SGCZ: variants seen among roughly 807,000 people sequenced by gnomAD.
SGCZ encodes sarcoglycan zeta, also known as zeta-sarcoglycan.
In SGCZ, 40 loss-of-function variants were observed where a neutral mutation model predicts 41.3. The observed-to-expected ratio is 0.97, with a 90% CI of 0.75 to 1.26. The LOEUF (loss-of-function observed/expected upper bound fraction) is 1.26. SGCZ is among the 50% of genes most tolerant of loss of function. The pLI, the probability that SGCZ is intolerant of heterozygous loss-of-function variation, is 0.00. For synonymous variants in SGCZ, 206 were observed against 137.5 expected, an observed-to-expected ratio of 1.50 and a Z score of -3.49; for missense variants, 552 against 369.8, an observed-to-expected ratio of 1.49 and a Z score of -4.04.
chr8:14,953,628 C>T (rs7833907), intron 1 of SGCZ, among the ~76,000 whole-genome samples: 4 of 149,652 alleles, frequency 2.7e-5, no homozygotes, highest in East Asian at 2.0e-4. Flanking sequence ...TGTAGTTCTC[C>T]GGTTCATTTC....
At chr8:14,463,183 C>T (rs1300673106) in intron 2 of SGCZ, among the ~76,000 whole-genome samples, 1 of 151,036 alleles carries the variant, frequency 6.6e-6, no homozygotes, top group Non-Finnish European at 1.5e-5. Flanking sequence ...ACATATTTCT[C>T]TGGTTAGAAT....
chr8:14,159,943 T>C (rs995225716), intron 5 of SGCZ, among the ~76,000 whole-genome samples: 5 of 152,202 alleles, frequency 3.3e-5, no homozygotes, highest in Non-Finnish European at 7.3e-5. Flanking sequence ...AAGTCCTTTC[T>C]TCTGTTGTCA....
chr8:14,286,923 A>G (rs1408197169), intron 3 of SGCZ, among the ~76,000 whole-genome samples: 1 of 152,048 alleles, frequency 6.6e-6, no homozygotes, highest in East Asian at 1.9e-4. Flanking sequence ...AAGTAAACAA[A>G]TGTATGTGAT....
intron 2 of SGCZ, among the ~76,000 whole-genome samples, chr8:14,393,095 C>A (rs1804835349): frequency 6.6e-6 from 1 of 152,040 alleles, no homozygotes; most frequent in South Asian, 2.1e-4. Flanking sequence ...TATGAATTAT[C>A]CTTTAAAAAA....
At position 15,008,355 on chromosome 8, in the gene SGCZ, T is replaced by C. The variant is rs145503176; in HGVS notation, c.39+229230A>G. On this transcript the variant is annotated intron_variant, in intron 1 of 7. Transcript: ENST00000382080. ...TTTCATTGTTTTAGTTGTTTCATTT[T>C]TATTTTTTATTGAAGGAGCCTTAGA... Among the ~76,000 whole-genome samples, 639 of 152,070 alleles carry C rather than the reference T, an allele frequency of 4.2e-3. 9 individuals are homozygous for C. The highest frequency in any genetic ancestry group is 0.027 in the Middle Eastern group (8 of 294).
intron 2 of SGCZ, among the ~76,000 whole-genome samples, chr8:14,370,862 G>A (rs909475024): frequency 6.6e-6 from 1 of 151,852 alleles, no homozygotes; most frequent in Non-Finnish European, 1.5e-5. Flanking sequence ...ATGGCAGCTT[G>A]CATTTTTCTT....
chr8:14,622,738 G>C (rs1343616857), intron 1 of SGCZ, among the ~76,000 whole-genome samples: 1 of 152,178 alleles, frequency 6.6e-6, no homozygotes, highest in Non-Finnish European at 1.5e-5. Context: ...TGTAAAAATT[G>C]TATATGAGGA....
chr8:14,549,972 T>A (rs1158767439), intron 2 of SGCZ, among the ~76,000 whole-genome samples: 3 of 151,996 alleles, frequency 2.0e-5, no homozygotes, highest in Non-Finnish European at 2.9e-5. Context: ...TATAAATTGA[T>A]ACAATCACAC....
intron 4 of SGCZ, among the ~76,000 whole-genome samples, chr8:14,178,181 T>A (rs1804613113): frequency 6.6e-6 from 1 of 151,666 alleles, no homozygotes. Context: ...CTCGAACTCC[T>A]AACCTCAGGT....
At chr8:15,047,647 C>T (rs1804361183) in intron 1 of SGCZ, among the ~76,000 whole-genome samples, 1 of 151,996 alleles carries the variant, frequency 6.6e-6, no homozygotes, top group Non-Finnish European at 1.5e-5. Context: ...ATAATCTATG[C>T]TAGTCTGTTT....
intron 4 of SGCZ, among the ~76,000 whole-genome samples, chr8:14,202,247 C>T (rs1563182856): frequency 6.6e-6 from 1 of 152,018 alleles, no homozygotes; most frequent in Non-Finnish European, 1.5e-5. Context: ...CAGTCACGGG[C>T]CAAGGGGTAA....
chr8:14,254,067 C>A (rs1002514284), intron 3 of SGCZ, among the ~76,000 whole-genome samples: 4 of 152,072 alleles, frequency 2.6e-5, no homozygotes, highest in East Asian at 1.9e-4. Flanking sequence ...ACCTTAAACA[C>A]AGTCTTAAAT....
chr8:14,338,390 T>C (rs1004167129), intron 2 of SGCZ, among the ~76,000 whole-genome samples: 4 of 152,186 alleles, frequency 2.6e-5, no homozygotes, highest in Admixed American at 6.5e-5. Flanking sequence ...GGGTAGCTTA[T>C]GTAACTGACC....
At chr8:14,698,048 C>G (rs944408456) in intron 1 of SGCZ, among the ~76,000 whole-genome samples, 7 of 151,984 alleles carry the variant, frequency 4.6e-5, no homozygotes, top group Non-Finnish European at 1.0e-4. Context: ...TGCCATTTAA[C>G]TTTTAAAATA....
chr8:14,480,912 G>A (rs1478204133), intron 2 of SGCZ, among the ~76,000 whole-genome samples: 1 of 151,766 alleles, frequency 6.6e-6, no homozygotes, highest in African/African-American at 2.4e-5. Context: ...TTTGAAAAAA[G>A]AATAACATTC....
intron 1 of SGCZ, among the ~76,000 whole-genome samples, chr8:14,899,682 T>A (rs143958633): frequency 2.6e-5 from 4 of 152,226 alleles, no homozygotes; most frequent in African/African-American, 9.6e-5. Flanking sequence ...ACAATCAGGT[T>A]CTTTTGACCT....
At chr8:14,389,138 T>C (rs1432734980) in intron 2 of SGCZ, among the ~76,000 whole-genome samples, 2 of 151,868 alleles carry the variant, frequency 1.3e-5, no homozygotes, top group East Asian at 3.9e-4. Flanking sequence ...TTAAATACTG[T>C]TGAGGTGAGT....
At chr8:14,100,585 ATATATTATAT>A (rs1211513760) in intron 7 of SGCZ, among the ~76,000 whole-genome samples, 1 of 137,090 alleles carries the variant, frequency 7.3e-6, no homozygotes, top group East Asian at 2.1e-4. Context: ...TTTTCAAATA[ATATATTATAT>A]TTTATTAATT....
chr8:14,901,057 G>C (rs1201654071), intron 1 of SGCZ, among the ~76,000 whole-genome samples: 1 of 152,138 alleles, frequency 6.6e-6, no homozygotes, highest in Non-Finnish European at 1.5e-5. Context: ...TGTTTGGAAA[G>C]AATGCTTACT....
Sources: allele counts gnomAD v4.1 joint callset (sites outside exome capture counted in the v4.1 genomes callset), GRCh38; gene constraint gnomAD v4.1.1; transcripts MANE v1.5; gene names NCBI Gene and HGNC (gene_info 2026-07-23, HGNC 2026-07-21).